Variants in TENM2 observed in about 807,000 individuals in gnomAD.
TENM2 encodes the protein teneurin-2.
TENM2 carries 52 observed loss-of-function variants against 245.2 expected under a neutral mutation model. That is an observed-to-expected ratio of 0.21 (90% CI 0.17 to 0.27). TENM2 has a LOEUF of 0.27. TENM2 is among the 10% of genes least tolerant of loss of function. The pLI is 1.00. For missense variants in TENM2, 3,046 were observed against 3,666.8 expected, an observed-to-expected ratio of 0.83 and a Z score of 4.37; for synonymous variants, 1,363 against 1,438.9, an observed-to-expected ratio of 0.95 and a Z score of 1.19.
At position 167,364,819 on chromosome 5, in the gene TENM2, A is replaced by G. The variant is rs1286771059; in HGVS notation, c.227-10379A>G. 2.6e-5 allele frequency among the ~76,000 whole-genome samples: 4 copies of G among 152,150 alleles called. No individual in the cohort carries two copies. In the East Asian group the frequency reaches 7.7e-4, roughly 29 times the overall value. ...TACAGCGAGAAAGAGAAGGAATAAA[A>G]GACAAAGCAAAATTAACAAAAATAA... is the stretch of plus-strand genomic sequence containing the variant. On this transcript the variant is annotated intron_variant, in intron 1 of 28. Coordinates refer to ENST00000518659, the Ensembl canonical transcript of TENM2.
intron 11 of TENM2, among the ~76,000 whole-genome samples, 153 bp from the exon 14 acceptor site, chr5:168,126,601 G>C (rs1376843451): frequency 6.6e-6 from 1 of 152,154 alleles, no homozygotes; most frequent in African/African-American, 2.4e-5. Flanking sequence ...ACAATGAATT[G>C]ATACCCAGCC....
At chr5:167,307,530 C>T (rs1214464175) in intron 1 of TENM2, among the ~76,000 whole-genome samples, 8 of 152,018 alleles carry the variant, frequency 5.3e-5, no homozygotes, top group African/African-American at 1.7e-4. Context: ...CCTTTAGGGA[C>T]CATCTGTTTC....
intron 2 of TENM2, chr5:167,728,730 C>T (rs1027375893): frequency 6.6e-6 from 1 of 152,070 alleles, no homozygotes; most frequent in Non-Finnish European, 1.5e-5. Flanking sequence ...TCCTGCACCT[C>T]CCCCTACACC....
At chr5:167,041,786 G>A in the TENM2 span, among the ~76,000 whole-genome samples, 1 of 152,102 alleles carries the variant, frequency 6.6e-6, no homozygotes, top group African/African-American at 2.4e-5. Context: ...TCACTGAAAT[G>A]GAAGCAAACC....
intron 2 of TENM2, among the ~76,000 whole-genome samples, chr5:167,831,540 G>A (rs558432268): frequency 8.9e-5 from 12 of 135,172 alleles, no homozygotes; most frequent in Admixed American, 6.4e-4. Flanking sequence ...ACAGAGTCAC[G>A]TTTTGGCCCC....
intron 27 of TENM2, among the ~76,000 whole-genome samples, chr5:168,257,214 G>T (rs1767743176): frequency 6.6e-6 from 1 of 151,864 alleles, no homozygotes; most frequent in Non-Finnish European, 1.5e-5. Flanking sequence ...CATGTTAGAA[G>T]AATGTGACTG....
At chr5:168,028,989 C>T (rs572583347) in intron 5 of TENM2, among the ~76,000 whole-genome samples, 1 of 152,256 alleles carries the variant, frequency 6.6e-6, no homozygotes, top group Admixed American at 6.5e-5. Context: ...TTTGGCCAGG[C>T]TGCTATAACA....
chr5:168,213,740 G>A lies in TENM2; in HGVS notation c.3846-1300G>A, dbSNP rs116443261. On this transcript the variant is annotated intron_variant, in intron 20 of 28. Coordinates refer to ENST00000518659, the Ensembl canonical transcript of TENM2. ...TTTCAACTACTCAGGAGGCTGAGGC[G>A]GGAGGACCACTTCAGCCCAGGGATT... Among the ~76,000 whole-genome samples, 1,119 of 152,180 alleles carry A rather than the reference G, an allele frequency of 7.4e-3. 15 individuals carry two copies. The highest frequency in any genetic ancestry group is 0.02 in the African/African-American group (814 of 41,508).
chr5:168,052,231 CAAAAA>C (rs959262781), intron 6 of TENM2, among the ~76,000 whole-genome samples: 2 of 150,756 alleles, frequency 1.3e-5, no homozygotes. Flanking sequence ...ACTAAAAATA[CAAAAA>C]AAAAGTTAGC....
chr5:167,782,400 C>T (rs1484856784), intron 2 of TENM2, among the ~76,000 whole-genome samples: 1 of 150,066 alleles, frequency 6.7e-6, no homozygotes, highest in Non-Finnish European at 1.5e-5. Flanking sequence ...CATTGTTCAT[C>T]AAACTTGGCC....
chr5:167,373,487 T>G (rs1760563572), intron 1 of TENM2, among the ~76,000 whole-genome samples: 1 of 152,236 alleles, frequency 6.6e-6, no homozygotes, highest in South Asian at 2.1e-4. Flanking sequence ...GAAGTACATT[T>G]CTTCACTGCA....
chr5:166,982,424 GT>G, the TENM2 span, among the ~76,000 whole-genome samples: 1 of 152,038 alleles, frequency 6.6e-6, no homozygotes, highest in African/African-American at 2.4e-5. Flanking sequence ...TGTTTGGCTA[GT>G]TTTTTTCATT....
At chr5:167,574,376 G>A (rs1774497814) in intron 2 of TENM2, among the ~76,000 whole-genome samples, 1 of 152,154 alleles carries the variant, frequency 6.6e-6, no homozygotes, top group Non-Finnish European at 1.5e-5. Flanking sequence ...TGAACTCCGG[G>A]ACTTAAACCC....
At chr5:167,668,618 G>C (rs78675302) in intron 2 of TENM2, among the ~76,000 whole-genome samples, 125 of 152,196 alleles carry the variant, frequency 8.2e-4, no homozygotes, top group Admixed American at 1.7e-3. Context: ...TCCTAAAACC[G>C]TTCTGAGAGA....
At chr5:167,326,399 G>T (rs927418712) in intron 1 of TENM2, among the ~76,000 whole-genome samples, 2 of 152,058 alleles carry the variant, frequency 1.3e-5, no homozygotes, top group Non-Finnish European at 2.9e-5. Context: ...AGTCAGCCAG[G>T]CATGGTGGCT....
chr5:167,942,448 G>A (rs953196222), intron 3 of TENM2, among the ~76,000 whole-genome samples: 3 of 152,122 alleles, frequency 2.0e-5, no homozygotes, highest in Non-Finnish European at 4.4e-5. Flanking sequence ...AAACTGGAGA[G>A]ATCAATGTTT....
chr5:168,176,707 CT>C (rs1169002360), intron 13 of TENM2, among the ~76,000 whole-genome samples: 3 of 152,168 alleles, frequency 2.0e-5, no homozygotes, highest in African/African-American at 7.2e-5. Flanking sequence ...CCTTGTCTGC[CT>C]TGGTCAACTC....
chr5:168,030,545 CAG>C, intron 5 of TENM2, among the ~76,000 whole-genome samples: 1 of 152,232 alleles, frequency 6.6e-6, no homozygotes, highest in South Asian at 2.1e-4. Context: ...AATAAGTTCT[CAG>C]GGGATGCTGA....
intron 3 of TENM2, among the ~76,000 whole-genome samples, chr5:167,950,318 G>A (rs1278050029): frequency 3.3e-5 from 5 of 152,188 alleles, no homozygotes; most frequent in Non-Finnish European, 5.9e-5. Context: ...CCTCACAAGG[G>A]CCACACAAGC....
Sources: allele counts gnomAD v4.1 joint callset (sites outside exome capture counted in the v4.1 genomes callset), GRCh38; gene constraint gnomAD v4.1.1; transcripts MANE v1.5; gene names NCBI Gene and HGNC (gene_info 2026-07-23, HGNC 2026-07-21).